The following ZFHX4 variants were observed in gnomAD, a reference collection of about 807,000 sequenced individuals.
The protein encoded by ZFHX4 is zinc finger homeobox 4, also known as zinc finger homeobox protein 4.
In ZFHX4, 56 loss-of-function variants were observed where a neutral mutation model predicts 267.6. The observed-to-expected ratio is 0.21, with a 90% CI of 0.17 to 0.26. The LOEUF is 0.26. Ranked by LOEUF, ZFHX4 falls within the 10% of genes least tolerant of loss-of-function variation. ZFHX4 has a pLI of 1.00. For missense variants in ZFHX4, 4,332 were observed against 4,420.0 expected (o/e 0.98, Z 0.56); for synonymous variants, 1,778 against 1,665.6 (o/e 1.07, Z -1.64).
Position 76,855,586 on chromosome 8 carries a change from A to G in ZFHX4, c.8665A>G (p.Thr2889Ala), listed in dbSNP as rs762267933. Reference protein sequence around the residue: ...DGDHDQSFYITDDPDDNADRS... With the variant: ...DGDHDQSFYIADDPDDNADRS... Reference sequence around the variant, plus strand: ...CGACCACGACCAAAGCTTTTACATCACAGATGACCCGGATGACAACGCCGA... The same window carrying G: ...CGACCACGACCAAAGCTTTTACATCGCAGATGACCCGGATGACAACGCCGA... The change falls in exon 10 of 11, where the codon ACA becomes GCA. Residue 2889 changes from threonine (T) to alanine (A), a missense_variant. Coordinates refer to ENST00000651372, the MANE Select transcript of ZFHX4 (RefSeq NM_024721.5). The G allele has an allele frequency of 4.3e-6, 7 of 1,613,882 alleles. No homozygotes were observed. The East Asian group carries it at 1.3e-4, about 31-fold the overall frequency.
chr8:76,855,701 C>T lies in ZFHX4; in HGVS notation c.8780C>T (p.Pro2927Leu), dbSNP rs371706545. The stretch of plus-strand genomic sequence containing the variant: ...TTTAAATCCAAAAGTAATGATCGGC[C>T]GGGTCACAAGCGTTTTCGAACGCAA... Reference protein sequence around the residue: ...NPFKSKSNDRPGHKRFRTQMS... With the variant: ...NPFKSKSNDRLGHKRFRTQMS... The change falls in exon 10 of 11, where the codon CCG (proline) becomes CTG (leucine). Residue 2927 changes from proline (P) to leucine (L), a missense_variant. Coordinates refer to ENST00000651372, the MANE Select transcript of ZFHX4 (RefSeq NM_024721.5). The T allele has an allele frequency of 1.3e-5, 21 of 1,613,716 alleles. No individual in the cohort carries two copies. In the African/African-American group the frequency reaches 1.3e-4, roughly 10 times the overall value.
chr8:76,710,146 T>G (rs531601083), intron 3 of ZFHX4, among the ~76,000 whole-genome samples: 72 of 152,294 alleles, frequency 4.7e-4, no homozygotes, highest in African/African-American at 1.7e-3. Flanking sequence ...TTAAATATGG[T>G]CAGCAAATAA....
chr8:76,717,391 A>G (rs1808604753), intron 3 of ZFHX4, among the ~76,000 whole-genome samples: 1 of 152,166 alleles, frequency 6.6e-6, no homozygotes, highest in Non-Finnish European at 1.5e-5. Context: ...AGATGTTTGG[A>G]GAAATCTTGC....
intron 1 of ZFHX4, among the ~76,000 whole-genome samples, chr8:76,703,018 T>C (rs1012587860): frequency 6.6e-6 from 1 of 152,010 alleles, no homozygotes; most frequent in African/African-American, 2.4e-5. Context: ...TTTTTACCAG[T>C]GTATGCCCAA....
chr8:76,739,384 A>T (rs115122107), intron 3 of ZFHX4, among the ~76,000 whole-genome samples: 233 of 152,350 alleles, frequency 1.5e-3, no homozygotes, highest in African/African-American at 5.5e-3. Flanking sequence ...AGATCATGAT[A>T]TAACTACCTC....
At chr8:76,790,285 G>A (rs1390938836) in intron 4 of ZFHX4, among the ~76,000 whole-genome samples, 2 of 152,114 alleles carry the variant, frequency 1.3e-5, no homozygotes, top group Non-Finnish European at 2.9e-5. Context: ...CCAAATTGAG[G>A]GGGAAATTAT....
At chr8:76,763,503 G>T (rs1467510040) in intron 3 of ZFHX4, among the ~76,000 whole-genome samples, 1 of 151,996 alleles carries the variant, frequency 6.6e-6, no homozygotes, top group Non-Finnish European at 1.5e-5. Context: ...TGGACCTGTG[G>T]TCCCAGCTAC....
In ZFHX4 at chr8:76,856,066, T is replaced by G; in HGVS notation, c.9145T>G (p.Tyr3049Asp). Residue 3049 changes from tyrosine (Y) to aspartate (D), a missense_variant, in exon 10 of 11, where the codon TAC (tyrosine) becomes GAC (aspartate). Transcript: ENST00000651372. ...VGSQLDREKD[Y>D]LAPTTVRQLM... is the part of the protein sequence containing the mutation. ...CAGTCAGCTCGATCGGGAGAAAGAT[T>G]ACTTGGCTCCGACCACGGTTCGGCA... 1 of 1,613,960 alleles carries G rather than the reference T, an allele frequency of 6.2e-7. No homozygotes were observed. Among genetic ancestry groups the G allele is most frequent in the Non-Finnish European group, 8.5e-7 (1 of 1,179,878 alleles).
At chr8:76,835,988 C>T (rs969176720) in intron 5 of ZFHX4, among the ~76,000 whole-genome samples, 2 of 152,054 alleles carry the variant, frequency 1.3e-5, no homozygotes, top group Non-Finnish European at 2.9e-5. Context: ...TACTTGTTCT[C>T]CTCTTTTCTC....
chr8:76,792,275 A>T (rs1038744198), intron 4 of ZFHX4, among the ~76,000 whole-genome samples: 1 of 152,110 alleles, frequency 6.6e-6, no homozygotes, highest in African/African-American at 2.4e-5. Flanking sequence ...GAAGGAGGTT[A>T]AAAAAAGCAA....
intron 4 of ZFHX4, among the ~76,000 whole-genome samples, chr8:76,819,748 C>T (rs1811599596): frequency 1.3e-5 from 2 of 152,132 alleles, no homozygotes; most frequent in African/African-American, 4.8e-5. Context: ...ACTGATTCTC[C>T]AATATTCCAT....
chr8:76,712,931 G>A (rs1318629338), intron 3 of ZFHX4, among the ~76,000 whole-genome samples: 1 of 152,006 alleles, frequency 6.6e-6, no homozygotes, highest in East Asian at 1.9e-4. Context: ...AAAAAAAACA[G>A]TTTCTCTAGT....
At position 76,849,526 on chromosome 8, in the gene ZFHX4, T is replaced by G; in HGVS notation, c.3660T>G (p.Pro1220=). Residue 1220 remains proline (P), a synonymous_variant, in exon 8 of 11, where the codon CCT becomes CCG. Transcript: ENST00000651372. ...KFCHEQFYQC[P]YCNYNSRDQS... ...ATATTTTCCAGTTCTATCAATGTCC[T>G]TATTGTAACTACAATAGTAGGGACC... 6.2e-7 allele frequency: 1 copy of G among 1,613,328 alleles called. No homozygotes were observed. Among genetic ancestry groups the G allele is most frequent in the Non-Finnish European group, 8.5e-7 (1 of 1,179,252 alleles).
chr8:76,830,804 T>G (rs1811914086), intron 4 of ZFHX4, among the ~76,000 whole-genome samples: 1 of 152,194 alleles, frequency 6.6e-6, no homozygotes, highest in South Asian at 2.1e-4. Context: ...TATTATTTGG[T>G]TATATTTTAT....
intron 5 of ZFHX4, among the ~76,000 whole-genome samples, chr8:76,836,038 CAAAT>C (rs1480888106): frequency 2.0e-5 from 3 of 152,184 alleles, no homozygotes; most frequent in African/African-American, 7.2e-5. Context: ...CTTAGTTGCA[CAAAT>C]AGTCAAATTA....
chr8:76,741,643 GTGCCC>G (rs1267001579), intron 3 of ZFHX4, among the ~76,000 whole-genome samples: 4 of 152,306 alleles, frequency 2.6e-5, no homozygotes, highest in Non-Finnish European at 4.4e-5. Context: ...ACAAAGAAAG[GTGCCC>G]TGCAACCCTA....
In ZFHX4 at chr8:76,832,538, G is replaced by T. The variant is rs115229550; in HGVS notation, c.3326-800G>T. ...TTTGAGGCATATAGACTATTACAGAGGCTGCTGAAACGGTCAGGAAAGAGA... is the reference window on the plus strand; with the variant it reads ...TTTGAGGCATATAGACTATTACAGATGCTGCTGAAACGGTCAGGAAAGAGA... On this transcript the variant is annotated intron_variant, in intron 4 of 10. Transcript: ENST00000651372. Among the ~76,000 whole-genome samples, 1,063 of 152,160 alleles carry T rather than the reference G, an allele frequency of 7.0e-3. 14 individuals carry two copies. Among genetic ancestry groups the T allele is most frequent in the African/African-American group, 0.025 (1,029 of 41,510 alleles).
At chr8:76,830,108 T>C (rs1465142519) in intron 4 of ZFHX4, among the ~76,000 whole-genome samples, 1 of 152,156 alleles carries the variant, frequency 6.6e-6, no homozygotes, top group African/African-American at 2.4e-5. Context: ...GGTGTCATAA[T>C]GCAAATAAAG....
At chr8:76,736,180 C>A (rs4735666) in intron 3 of ZFHX4, among the ~76,000 whole-genome samples, 1 of 150,556 alleles carries the variant, frequency 6.6e-6, no homozygotes, top group Admixed American at 6.6e-5. Flanking sequence ...AACCTAACAA[C>A]ATTTTTCAAT....
Sources: gnomAD v4.1 joint callset for allele counts (sites outside exome capture counted in the v4.1 genomes callset) on GRCh38, gnomAD v4.1.1 for gene constraint, MANE v1.5 for transcripts, NCBI Gene and HGNC (gene_info 2026-07-23, HGNC 2026-07-21) for gene names.